NAT16: variants seen among roughly 807,000 people sequenced by gnomAD.
NAT16 encodes the protein N-acetyltransferase 16 (putative).
Under a neutral mutation model 15.9 loss-of-function variants are expected in NAT16, and 16 were observed. The observed-to-expected ratio is 1.01, with a 90% CI of 0.68 to 1.53. The LOEUF (loss-of-function observed/expected upper bound fraction) is 1.53. NAT16 is among the 40% of genes most tolerant of loss of function. The pLI, the probability that NAT16 is intolerant of heterozygous loss-of-function variation, is 0.00. For synonymous variants in NAT16, 260 were observed against 241.9 expected (o/e 1.07, Z -0.69); for missense variants, 572 against 508.4 (o/e 1.13, Z -1.20).
chr7:101,172,437 G>C lies in NAT16; in HGVS notation c.752C>G (p.Pro251Arg). The C allele has an allele frequency of 6.3e-7, 1 of 1,596,648 alleles. No individual in the cohort carries two copies. The highest frequency in any genetic ancestry group is 8.5e-7 in the Non-Finnish European group (1 of 1,174,826). The change falls in exon 4 of 4, where the codon CCT becomes CGT. Residue 251 changes from proline (P) to arginine (R), a missense_variant. Coordinates refer to ENST00000300303, the MANE Select transcript of NAT16 (RefSeq NM_198571.3). The surrounding 1 kb of genome is among the most constrained non-coding windows in gnomAD (Gnocchi z 4.2). ...CAGCAGGCGCAGGTTGCTTTCGCTAGGCCGGTAGGGCTGCCAGTCCTGGAT... is the reference window on the plus strand; with the variant it reads ...CAGCAGGCGCAGGTTGCTTTCGCTACGCCGGTAGGGCTGCCAGTCCTGGAT... ...TIIQDWQPYR[P>R]SESNLRLLAA...
In NAT16 at chr7:101,174,384, C is replaced by T. The variant is rs1797416076; in HGVS notation, c.312+112G>A. ...TTTGGTCCCAAAGCAGGCTCTATTT[C>T]CGCAGCCTCCAGAGGAAGGCTGGGG... is the stretch of plus-strand genomic sequence containing the variant. On this transcript the variant is annotated intron_variant, in intron 2 of 3. Coordinates refer to ENST00000300303, the MANE Select transcript of NAT16 (RefSeq NM_198571.3). The T allele has an allele frequency of 2.2e-5, 31 of 1,378,924 alleles. 2 individuals are homozygous for T. The highest frequency in any genetic ancestry group is 1.2e-4 in the South Asian group (8 of 67,312). 85.4% of individuals were successfully genotyped at this position (1,378,924 alleles called of 1,614,324 possible).
At chr7:101,177,034 G>C (rs1797483663) in intron 1 of NAT16, among the ~76,000 whole-genome samples, 1 of 152,114 alleles carries the variant, frequency 6.6e-6, no homozygotes, top group African/African-American at 2.4e-5. Flanking sequence ...TACAAACCAA[G>C]CTTCAAGACA....
Position 101,174,745 on chromosome 7 carries a change from A to C in NAT16, c.63T>G (p.Thr21=), listed in dbSNP as rs1444651737. Residue 21 remains threonine, a synonymous_variant, in exon 2 of 4, where the codon ACT becomes ACG. Coordinates refer to ENST00000300303, the MANE Select transcript of NAT16 (RefSeq NM_198571.3). ...CAGAGCTTGGCTCTGCATCTCGGGC[A>C]GTCTTCTTTTCCGGCTTAGGGACCT... ...TSEVPKPEKK[T]ARDAEPSSET... The C allele has an allele frequency of 6.2e-7, 1 of 1,607,784 alleles. No homozygotes were observed. Among genetic ancestry groups the C allele is most frequent in the African/African-American group, 1.3e-5 (1 of 74,880 alleles).
rs753720123 is a variant in NAT16 at position 101,171,990 on chromosome 7, G to C, written c.*89C>G. On this transcript the variant is annotated 3_prime_UTR_variant, in exon 4 of 4. Coordinates refer to ENST00000300303, the MANE Select transcript of NAT16 (RefSeq NM_198571.3). The stretch of plus-strand genomic sequence containing the variant: ...AGTCAGAGGGGACTTCCCAGGAGAC[G>C]CAGCGTCGGAAATGGCAGGAAAGAG... The C allele has an allele frequency of 4.4e-6, 4 of 912,104 alleles. No homozygotes were observed. The highest frequency in any genetic ancestry group is 4.8e-5 in the Admixed American group (2 of 41,336). The allele number at this position is 912,104 out of a possible 1,614,324, so 56.5% of individuals were successfully genotyped here. A position where few individuals can be genotyped will look rare whatever the true frequency, so the allele number is the denominator to read the frequency against.
chr7:101,176,219 C>A, intron 1 of NAT16, among the ~76,000 whole-genome samples: 1 of 152,184 alleles, frequency 6.6e-6, no homozygotes, highest in East Asian at 1.9e-4. Flanking sequence ...ATAGATAGCT[C>A]CACTAGAAAA....
At position 101,171,802 on chromosome 7, in the gene NAT16, G is replaced by T. The variant is rs541933867; in HGVS notation, c.*277C>A. ...GACCAGTTCTTTGGAAAAACAGAGG[G>T]TGGATAACAGCAGCTCAAGGCCCCC... On this transcript the variant is annotated 3_prime_UTR_variant, in exon 4 of 4. Transcript: ENST00000300303. 1.4e-5 allele frequency: 6 copies of T among 423,928 alleles called. No homozygotes were observed. The South Asian group carries it at 2.0e-4, about 14-fold the overall frequency. The allele number at this position is 423,928 out of a possible 1,614,324, so 26.3% of individuals were successfully genotyped here. A position where few individuals can be genotyped will look rare whatever the true frequency, so the allele number is the denominator to read the frequency against.
chr7:101,180,079 C>G lies in NAT16; in HGVS notation c.-42G>C, dbSNP rs1797557446. On this transcript the variant is annotated 5_prime_UTR_variant, in exon 1 of 4. Transcript: ENST00000300303. ...GGAGCTGGAGCCAGGGCCGAGATGC[C>G]GCAAAGCCAAGCGGGGCGGGCGGCG... 6.5e-6 allele frequency: 1 copy of G among 154,402 alleles called. No homozygotes were observed. The highest frequency in any genetic ancestry group is 2.1e-4 in the South Asian group (1 of 4,878). 9.6% of individuals were successfully genotyped at this position (154,402 alleles called of 1,614,324 possible). A position where few individuals can be genotyped will look rare whatever the true frequency, so the allele number is the denominator to read the frequency against.
At position 101,170,895 on chromosome 7, in the gene NAT16, C is replaced by T. The variant is rs1797305050; in HGVS notation, c.*1184G>A. On this transcript the variant is annotated 3_prime_UTR_variant, in exon 4 of 4. Coordinates refer to ENST00000300303, the MANE Select transcript of NAT16 (RefSeq NM_198571.3). ...TGACTTAGAAGTCACTTTGATCTTTCCCAGCCTTCTGTTTTCTCCCTCTGC... is the reference window on the plus strand; with the variant it reads ...TGACTTAGAAGTCACTTTGATCTTTTCCAGCCTTCTGTTTTCTCCCTCTGC... 1.3e-5 allele frequency: 2 copies of T among 152,370 alleles called. No homozygotes were observed. Among genetic ancestry groups the T allele is most frequent in the Admixed American group, 6.5e-5 (1 of 15,304 alleles). The allele number at this position is 152,370 out of a possible 1,614,324, so 9.4% of individuals were successfully genotyped here.
chr7:101,174,827 GA>G lies in NAT16; in HGVS notation c.-4-17del. On this transcript the variant is annotated splice_polypyrimidine_tract_variant and intron_variant, in intron 1 of 3. Transcript: ENST00000300303. Reference sequence around the variant, plus strand: ...CTTCATGACCCTGCAGAAAAAAAGAGAATTCAGCACCTGGATCAGCCCCTTT... The same window carrying G: ...CTTCATGACCCTGCAGAAAAAAAGAGATTCAGCACCTGGATCAGCCCCTTT... 1 of 1,526,970 alleles carries G rather than the reference GA, an allele frequency of 6.5e-7. No individual in the cohort carries two copies. The highest frequency in any genetic ancestry group is 1.3e-5 in the South Asian group (1 of 79,964). 94.6% of individuals were successfully genotyped at this position (1,526,970 alleles called of 1,614,324 possible). A position where few individuals can be genotyped will look rare whatever the true frequency, so the allele number is the denominator to read the frequency against.
At chr7:101,179,719 C>T (rs1797550267) in intron 1 of NAT16, among the ~76,000 whole-genome samples, 1 of 151,810 alleles carries the variant, frequency 6.6e-6, no homozygotes, top group Non-Finnish European at 1.5e-5. Context: ...TTCCCTCTGC[C>T]TCTACCCCGG....
At position 101,173,515 on chromosome 7, in the gene NAT16, C is replaced by G; in HGVS notation, c.318G>C (p.Ala106=). 1 of 1,592,496 alleles carries G rather than the reference C, an allele frequency of 6.3e-7. No homozygotes were observed. Among genetic ancestry groups the G allele is most frequent in the Non-Finnish European group, 8.6e-7 (1 of 1,168,420 alleles). Residue 106 remains alanine, a synonymous_variant, in exon 3 of 4, where the codon GCG becomes GCC. Transcript: ENST00000300303. The stretch of plus-strand genomic sequence containing the variant: ...CGTCGATCACGTTCACCGACTCCAG[C>G]GCGATCTGCGGACCGAGGCCGTTAG... ...VLAKRNGGVI[A]LESVNVIDAG... is the part of the protein sequence containing the mutation.
In NAT16 at chr7:101,172,738, C is replaced by T. The variant is rs1379059919; in HGVS notation, c.538-87G>A. 10 of 1,086,976 alleles carry T rather than the reference C, an allele frequency of 9.2e-6. No individual in the cohort carries two copies. Among genetic ancestry groups the T allele is most frequent in the Non-Finnish European group, 1.1e-5 (9 of 800,268 alleles). The allele number at this position is 1,086,976 out of a possible 1,614,324, so 67.3% of individuals were successfully genotyped here. On this transcript the variant is annotated intron_variant, in intron 3 of 3. Transcript: ENST00000300303. This position sits in a 1 kb window ranked among gnomAD's most constrained non-coding sequence, Gnocchi z 4.2. ...CTCTCGGCAGGCATCTTCACTCCCA[C>T]GTTCACGCCCACGGGCTCCCACCTG...
In NAT16 at chr7:101,178,248, C is replaced by T. The variant is rs137861436; in HGVS notation, c.-5+1794G>A. Among the ~76,000 whole-genome samples, 160 of 152,206 alleles carry T rather than the reference C, an allele frequency of 1.1e-3. 1 individual carries two copies. The highest frequency in any genetic ancestry group is 3.6e-3 in the African/African-American group (151 of 41,530). On this transcript the variant is annotated intron_variant, in intron 1 of 3. Coordinates refer to ENST00000300303, the MANE Select transcript of NAT16 (RefSeq NM_198571.3). ...GGGAGGGAAGAACTTTCCAATGCAT[C>T]CCCCATCTTTCAACCCAGGCACCAC...
At chr7:101,178,889 CAAAAAA>C (rs71126381) in intron 1 of NAT16, among the ~76,000 whole-genome samples, 15,708 of 62,164 alleles carry the variant, frequency 0.25, 1,716 homozygotes, top group Middle Eastern at 0.36. Context: ...GAAACGCTGT[CAAAAAA>C]AAAAAAAAAA....
intron 1 of NAT16, among the ~76,000 whole-genome samples, chr7:101,178,201 G>A (rs1013581823): frequency 6.6e-6 from 1 of 152,192 alleles, no homozygotes; most frequent in East Asian, 1.9e-4. Flanking sequence ...AGGGGTGGAC[G>A]TGGGGAGTTC....
At chr7:101,177,486 G>A (rs1454244436) in intron 1 of NAT16, among the ~76,000 whole-genome samples, 1 of 152,096 alleles carries the variant, frequency 6.6e-6, no homozygotes, top group Non-Finnish European at 1.5e-5. Context: ...AGGACTACAG[G>A]CATGTGCCAC....
rs1317343546 is a variant in NAT16, at chr7:101,172,121, CA to C, written c.1067del (p.Val356GlyfsTer52). The C allele has an allele frequency of 1.9e-6, 3 of 1,614,088 alleles. No homozygotes were observed. The highest frequency in any genetic ancestry group is 2.5e-6 in the Non-Finnish European group (3 of 1,179,958). On this transcript the variant is annotated frameshift_variant, in exon 4 of 4. Transcript: ENST00000300303. LOFTEE classifies it high-confidence loss of function. The surrounding 1 kb of genome is among the most constrained non-coding windows in gnomAD (Gnocchi z 4.2). ...FCQVGLGLEL[V>X]KGYTEQYLLE... is the part of the protein sequence containing the mutation. Reference sequence around the variant, plus strand: ...GCAGGTACTGTTCAGTATAACCCTTCACCAGCTCCAGTCCCAGCCCGACCTG... The same window carrying C: ...GCAGGTACTGTTCAGTATAACCCTTCCCAGCTCCAGTCCCAGCCCGACCTG...
At chr7:101,179,652 G>T (rs78254454) in intron 1 of NAT16, among the ~76,000 whole-genome samples, 1 of 144,262 alleles carries the variant, frequency 6.9e-6, no homozygotes, top group Non-Finnish European at 1.5e-5. Context: ...GGGCCCCAGA[G>T]GGCCACAGTA....
At chr7:101,176,795 C>T (rs1469468220) in intron 1 of NAT16, among the ~76,000 whole-genome samples, 1 of 152,182 alleles carries the variant, frequency 6.6e-6, no homozygotes, top group Non-Finnish European at 1.5e-5. Context: ...AATGATAATG[C>T]TCACCTCAGA....
Sources: gnomAD v4.1 joint callset for allele counts (sites outside exome capture counted in the v4.1 genomes callset) on GRCh38, gnomAD v4.1.1 for gene constraint, Gnocchi (gnomAD v3.1) non-coding constraint, MANE v1.5 for transcripts, NCBI Gene and HGNC (gene_info 2026-07-23, HGNC 2026-07-21) for gene names.